Variants in CFAP90 observed in about 807,000 individuals in gnomAD.
The protein encoded by CFAP90 is cilia- and flagella-associated protein 90.
At chr5:7,850,805 CAG>C in the CFAP90 span, 4 of 835,946 alleles carry the variant, frequency 4.8e-6, no homozygotes, top group Non-Finnish European at 4.5e-6. Context: ...CCCAGCCGCC[CAG>C]CCGCCCAGCC....
At chr5:7,833,485 T>C in the CFAP90 span, among the ~76,000 whole-genome samples, 1 of 144,594 alleles carries the variant, frequency 6.9e-6, no homozygotes, top group Non-Finnish European at 1.6e-5. Context: ...TATACACACA[T>C]ATATAATAGA....
chr5:7,841,537 G>A, the CFAP90 span, among the ~76,000 whole-genome samples: 5 of 152,092 alleles, frequency 3.3e-5, no homozygotes, highest in Admixed American at 6.6e-5. Flanking sequence ...TATGTTCAAC[G>A]TAGTACTACT....
At chr5:7,850,930 A>T in the CFAP90 span, 5 of 1,357,518 alleles carry the variant, frequency 3.7e-6, no homozygotes, top group Non-Finnish European at 3.8e-6. Flanking sequence ...CCGCGGCGGG[A>T]TGTAGCTGAA....
At chr5:7,845,320 T>C in the CFAP90 span, among the ~76,000 whole-genome samples, 48 of 152,294 alleles carry the variant, frequency 3.2e-4, no homozygotes, top group Admixed American at 2.9e-3. Flanking sequence ...TGCATCTGTA[T>C]AGGTGCTTGG....
the CFAP90 span, among the ~76,000 whole-genome samples, chr5:7,833,518 C>A: frequency 2.6e-5 from 4 of 152,036 alleles, no homozygotes; most frequent in Admixed American, 6.6e-5. Context: ...TGCATATACA[C>A]AAACACATGC....
the CFAP90 span, among the ~76,000 whole-genome samples, chr5:7,845,608 G>A: frequency 6.6e-6 from 1 of 152,208 alleles, no homozygotes; most frequent in South Asian, 2.1e-4. Flanking sequence ...AAATGGCATT[G>A]TCCTTTGACT....
chr5:7,847,608 C>T, the CFAP90 span, among the ~76,000 whole-genome samples: 12 of 152,154 alleles, frequency 7.9e-5, no homozygotes, highest in Admixed American at 7.9e-4. Flanking sequence ...TTAAAATAGG[C>T]AACTGGCCAG....
chr5:7,838,694 T>G, the CFAP90 span, among the ~76,000 whole-genome samples: 1 of 152,220 alleles, frequency 6.6e-6, no homozygotes, highest in Non-Finnish European at 1.5e-5. Context: ...TCCTATTGCC[T>G]TTGGAATCCC....
the CFAP90 span, among the ~76,000 whole-genome samples, chr5:7,832,770 G>A: frequency 1.3e-5 from 2 of 152,216 alleles, no homozygotes; most frequent in East Asian, 3.8e-4. Context: ...TTACAGGCAT[G>A]AGCCACCACA....
chr5:7,842,613 A>T, the CFAP90 span, among the ~76,000 whole-genome samples: 10 of 152,264 alleles, frequency 6.6e-5, no homozygotes, highest in East Asian at 1.8e-3. Flanking sequence ...CCTAGGCCCT[A>T]GTAATAGTGA....
chr5:7,832,041 T>C, the CFAP90 span: 1 of 1,600,314 alleles, frequency 6.2e-7, no homozygotes, highest in East Asian at 2.3e-5. Flanking sequence ...TGGTGAAAGT[T>C]ATCAAAGCAC....
chr5:7,835,446 T>C, the CFAP90 span: 1 of 1,607,072 alleles, frequency 6.2e-7, no homozygotes, highest in Non-Finnish European at 8.5e-7. Flanking sequence ...CAACTTCTGA[T>C]CATAATCTAG....
chr5:7,850,051 C>T, the CFAP90 span, among the ~76,000 whole-genome samples: 2 of 152,088 alleles, frequency 1.3e-5, no homozygotes, highest in Non-Finnish European at 2.9e-5. Context: ...GGCTCCCGCT[C>T]CCTTCTCCGA....
the CFAP90 span, among the ~76,000 whole-genome samples, chr5:7,848,153 C>G: frequency 6.6e-6 from 1 of 151,976 alleles, no homozygotes; most frequent in Non-Finnish European, 1.5e-5. Context: ...GTATAGGTAA[C>G]AGTTCTTTCA....
the CFAP90 span, among the ~76,000 whole-genome samples, chr5:7,835,726 G>A: frequency 6.6e-6 from 1 of 152,124 alleles, no homozygotes; most frequent in East Asian, 1.9e-4. Flanking sequence ...GTATGAAGCA[G>A]GGACATTTTC....
the CFAP90 span, chr5:7,832,128 C>A: frequency 1.6e-6 from 2 of 1,226,900 alleles, no homozygotes; most frequent in Non-Finnish European, 2.3e-6. Context: ...CTTTTTCTGC[C>A]TGGGTCCCAC....
At chr5:7,835,525 A>C in the CFAP90 span, 3 of 1,378,416 alleles carry the variant, frequency 2.2e-6, no homozygotes, top group Non-Finnish European at 3.0e-6. Flanking sequence ...AAAGAAAGCC[A>C]TGGGTTAATT....
At chr5:7,850,737 C>A in the CFAP90 span, 2 of 646,410 alleles carry the variant, frequency 3.1e-6, no homozygotes, top group South Asian at 6.9e-5. Context: ...CAAGACCCTT[C>A]CGCTGGGGTG....
At chr5:7,841,303 G>T in the CFAP90 span, among the ~76,000 whole-genome samples, 1 of 152,112 alleles carries the variant, frequency 6.6e-6, no homozygotes, top group Admixed American at 6.5e-5. Flanking sequence ...AGTCAGAATG[G>T]ATATTGAAAA....
Sources: allele counts gnomAD v4.1 joint callset (sites outside exome capture counted in the v4.1 genomes callset), GRCh38; gene constraint gnomAD v4.1.1; transcripts MANE v1.5; gene names NCBI Gene and HGNC (gene_info 2026-07-23, HGNC 2026-07-21).